DACH2: variants seen among roughly 807,000 people sequenced by gnomAD.
DACH2 encodes the protein dachshund family transcription factor 2.
A neutral mutation model predicts 35.8 loss-of-function variants in DACH2; 17 were observed. The ratio of observed to expected loss-of-function variants is 0.48; its 90% CI spans 0.33 to 0.71. The LOEUF is 0.71. Among genes scored for constraint, DACH2 ranks in the 30% least tolerant of loss-of-function variants. The pLI, the probability that DACH2 is intolerant of heterozygous loss-of-function variation, is 0.02. For missense variants in DACH2, 469 were observed against 472.7 expected (o/e 0.99, Z 0.07); for synonymous variants, 195 against 177.3 (o/e 1.10, Z -0.79).
intron 1 of DACH2, among the ~76,000 whole-genome samples, chrX:86,276,148 A>T (rs2033911746): frequency 8.9e-6 from 1 of 111,944 alleles, no homozygotes; most frequent in African/African-American, 3.3e-5. Context: ...CATTCCCACC[A>T]ACAGTGTACA....
chrX:86,474,377 T>C (rs2037808457), intron 2 of DACH2, among the ~76,000 whole-genome samples: 1 of 111,921 alleles, frequency 8.9e-6, no homozygotes, highest in South Asian at 3.7e-4. Context: ...TGATCATACT[T>C]ATCAATTTTT....
intron 2 of DACH2, among the ~76,000 whole-genome samples, chrX:86,452,040 A>T (rs1464756348): frequency 9.0e-6 from 1 of 111,463 alleles, no homozygotes; most frequent in African/African-American, 3.3e-5. Context: ...ACATAAAGGG[A>T]TGTTGAATTT....
At chrX:86,738,065 T>G (rs2041615164) in intron 6 of DACH2, among the ~76,000 whole-genome samples, 2 of 111,928 alleles carry the variant, frequency 1.8e-5, no homozygotes, top group South Asian at 7.5e-4. Flanking sequence ...CCTTCTTTTC[T>G]GCCTGTGTCT....
chrX:86,328,664 C>T (rs2035158715), intron 1 of DACH2, among the ~76,000 whole-genome samples: 1 of 111,757 alleles, frequency 8.9e-6, no homozygotes, highest in African/African-American at 3.2e-5. Context: ...AGTCTCTAAA[C>T]ATATGTTCTG....
intron 2 of DACH2, among the ~76,000 whole-genome samples, chrX:86,495,170 C>T (rs2038150128): frequency 9.1e-6 from 1 of 110,494 alleles, no homozygotes. Context: ...GCCTCAGCCT[C>T]CCAAGTAGCT....
intron 3 of DACH2, among the ~76,000 whole-genome samples, chrX:86,574,873 A>G (rs1211078446): frequency 9.0e-6 from 1 of 111,708 alleles, no homozygotes; most frequent in African/African-American, 3.2e-5. Flanking sequence ...TACGTTAGTT[A>G]TTCTCTCTTT....
At chrX:86,318,354 G>A (rs1476794660) in intron 1 of DACH2, among the ~76,000 whole-genome samples, 1 of 111,110 alleles carries the variant, frequency 9.0e-6, no homozygotes, top group Non-Finnish European at 1.9e-5. Context: ...ACATTTTTCT[G>A]TTATCAGAAA....
At chrX:86,269,147 T>G (rs2147970231) in intron 1 of DACH2, among the ~76,000 whole-genome samples, 1 of 110,390 alleles carries the variant, frequency 9.1e-6, no homozygotes, top group East Asian at 2.9e-4. Context: ...ACTACCCTTC[T>G]CAGCCTCTGG....
intron 4 of DACH2, among the ~76,000 whole-genome samples, chrX:86,675,404 G>T (rs2040814299): frequency 8.9e-6 from 1 of 111,804 alleles, no homozygotes; most frequent in Non-Finnish European, 1.9e-5. Context: ...TGATATTAAG[G>T]CTAGGTGCAG....
intron 2 of DACH2, among the ~76,000 whole-genome samples, chrX:86,414,919 G>A (rs2036677536): frequency 9.0e-6 from 1 of 111,456 alleles, no homozygotes; most frequent in African/African-American, 3.3e-5. Context: ...TCCCTAGAGG[G>A]ACAGGACTTA....
Position 86,411,483 on chromosome X carries a change from A to G in DACH2, c.527+34621A>G, listed in dbSNP as rs375440075. Among the ~76,000 whole-genome samples the G allele has an allele frequency of 1.4e-3, 160 of 110,889 alleles. 2 individuals are homozygous for G. Among genetic ancestry groups the G allele is most frequent in the African/African-American group, 4.9e-3 (150 of 30,503 alleles). On this transcript the variant is annotated intron_variant, in intron 2 of 11. Transcript: ENST00000373125. Reference sequence around the variant, plus strand: ...CCATACACATCTTCTGAAATTATACATAATCTTCAAATGAAGACAATAATG... The same window carrying G: ...CCATACACATCTTCTGAAATTATACGTAATCTTCAAATGAAGACAATAATG...
At chrX:86,693,124 T>C (rs1048665813) in intron 4 of DACH2, among the ~76,000 whole-genome samples, 3 of 112,403 alleles carry the variant, frequency 2.7e-5, no homozygotes, top group Non-Finnish European at 5.6e-5. Flanking sequence ...GTGGTAATCA[T>C]AGAAGTATTG....
intron 5 of DACH2, among the ~76,000 whole-genome samples, chrX:86,698,007 T>C (rs2041087277): frequency 1.8e-5 from 2 of 110,756 alleles, no homozygotes; most frequent in African/African-American, 6.6e-5. Context: ...AATACCAAAA[T>C]CTACAAATAC....
chrX:86,522,008 A>G (rs1044678083), intron 3 of DACH2, among the ~76,000 whole-genome samples: 1 of 111,623 alleles, frequency 9.0e-6, no homozygotes, highest in African/African-American at 3.2e-5. Flanking sequence ...TTATTTGCAT[A>G]CTATAAAGAT....
intron 3 of DACH2, among the ~76,000 whole-genome samples, chrX:86,556,784 A>G (rs1906412906): frequency 1.5e-5 from 1 of 65,225 alleles, no homozygotes; most frequent in Non-Finnish European, 2.7e-5. Context: ...ATATATATAT[A>G]TATATATATA....
intron 5 of DACH2, among the ~76,000 whole-genome samples, chrX:86,702,232 T>C (rs2041153377): frequency 9.0e-6 from 1 of 110,920 alleles, no homozygotes; most frequent in Non-Finnish European, 1.9e-5. Context: ...TGAATGATAA[T>C]GGTGACACAA....
chrX:86,538,710 G>T (rs1407545263), intron 3 of DACH2, among the ~76,000 whole-genome samples: 2 of 111,203 alleles, frequency 1.8e-5, no homozygotes, highest in African/African-American at 3.3e-5. Flanking sequence ...ATTCATGTGG[G>T]TGGAGCTTTC....
intron 1 of DACH2, among the ~76,000 whole-genome samples, chrX:86,281,301 C>A (rs2034022957): frequency 9.0e-6 from 1 of 111,282 alleles, no homozygotes; most frequent in Admixed American, 9.6e-5. Context: ...GCTTATCCAC[C>A]ACGATCAAGT....
chrX:86,607,145 CTA>C (rs1246933610), intron 3 of DACH2, among the ~76,000 whole-genome samples: 1 of 111,373 alleles, frequency 9.0e-6, no homozygotes, highest in Non-Finnish European at 1.9e-5. Flanking sequence ...TTCAATCACT[CTA>C]TGTCTTTTGA....
Sources: allele counts gnomAD v4.1 joint callset (sites outside exome capture counted in the v4.1 genomes callset), GRCh38; gene constraint gnomAD v4.1.1; transcripts MANE v1.5; gene names NCBI Gene and HGNC (gene_info 2026-07-23, HGNC 2026-07-21).